Variants in PITPNC1 observed in about 807,000 individuals in gnomAD.
PITPNC1 encodes the protein phosphatidylinositol transfer protein cytoplasmic 1.
Under a neutral mutation model 44.7 loss-of-function variants are expected in PITPNC1, and 18 were observed. The observed-to-expected ratio is 0.40, with a 90% confidence interval of 0.28 to 0.60. The LOEUF is 0.60. PITPNC1 is among the 20% of genes least tolerant of loss of function. The pLI, the probability that PITPNC1 is intolerant of heterozygous loss-of-function variation, is 0.39. For missense variants in PITPNC1, 290 were observed against 418.4 expected (o/e 0.69, Z 2.68); for synonymous variants, 141 against 149.6 (o/e 0.94, Z 0.42).
At chr17:67,487,874 C>T (rs950553160) in intron 1 of PITPNC1, among the ~76,000 whole-genome samples, 3 of 152,238 alleles carry the variant, frequency 2.0e-5, no homozygotes, top group South Asian at 4.1e-4. Context: ...GAGATGTCTT[C>T]GCATCTTATA....
At chr17:67,647,371 G>C (rs1369911566) in intron 6 of PITPNC1, among the ~76,000 whole-genome samples, 2 of 150,594 alleles carry the variant, frequency 1.3e-5, no homozygotes, top group South Asian at 4.2e-4. Context: ...ACCCACTGCT[G>C]TCTTGACCTC....
At chr17:67,519,626 A>G (rs967153903) in intron 1 of PITPNC1, among the ~76,000 whole-genome samples, 18 of 152,114 alleles carry the variant, frequency 1.2e-4, no homozygotes, top group African/African-American at 3.9e-4. Context: ...CCAAGGAGGA[A>G]ACACTCTTAG....
At chr17:67,494,016 T>C (rs531239382) in intron 1 of PITPNC1, among the ~76,000 whole-genome samples, 1 of 152,306 alleles carries the variant, frequency 6.6e-6, no homozygotes, top group East Asian at 1.9e-4. Flanking sequence ...GGATAGAGCA[T>C]GAATAAAACA....
rs559578146 is a variant in PITPNC1, at chr17:67,561,438, A to G, written c.294+7821A>G. ...ACCATTGCACTCCAGCCTGGGTGAC[A>G]ATGTAAGACTCTGTCTCAAAAAAAA... On this transcript the variant is annotated intron_variant, in intron 4 of 8. Transcript: ENST00000581322. Among the ~76,000 whole-genome samples the G allele has an allele frequency of 5.3e-5, 8 of 152,148 alleles. 1 individual carries two copies. In the South Asian group the frequency reaches 1.7e-3, roughly 32 times the overall value.
chr17:67,520,508 A>G (rs2144106243), intron 1 of PITPNC1, among the ~76,000 whole-genome samples: 1 of 152,316 alleles, frequency 6.6e-6, no homozygotes, highest in South Asian at 2.1e-4. Context: ...TGATGAATGC[A>G]TCAGTTTCCT....
At chr17:67,583,467 A>C (rs2041262676) in intron 5 of PITPNC1, among the ~76,000 whole-genome samples, 1 of 151,698 alleles carries the variant, frequency 6.6e-6, no homozygotes, top group Non-Finnish European at 1.5e-5. Context: ...GCATGCCTGT[A>C]ATCCCAGCTA....
chr17:67,456,149 G>C (rs1388879455), intron 1 of PITPNC1, among the ~76,000 whole-genome samples: 1 of 152,202 alleles, frequency 6.6e-6, no homozygotes, highest in Non-Finnish European at 1.5e-5. Context: ...TAAGTGGGCT[G>C]TAAAGAACCA....
intron 5 of PITPNC1, among the ~76,000 whole-genome samples, chr17:67,607,583 A>G (rs1444876299): frequency 6.6e-6 from 1 of 152,208 alleles, no homozygotes; most frequent in Non-Finnish European, 1.5e-5. Flanking sequence ...AGAAGAGTGC[A>G]GTGATTCTGG....
intron 5 of PITPNC1, among the ~76,000 whole-genome samples, chr17:67,589,184 T>C (rs1194521378): frequency 6.6e-6 from 1 of 152,226 alleles, no homozygotes; most frequent in Admixed American, 6.5e-5. Flanking sequence ...GCCACTGCTA[T>C]TTGTGGTACA....
chr17:67,561,372 C>T (rs1485866822), intron 4 of PITPNC1, among the ~76,000 whole-genome samples: 1 of 151,882 alleles, frequency 6.6e-6, no homozygotes, highest in African/African-American at 2.4e-5. Flanking sequence ...AGGAGAATCA[C>T]TTGAACCTGG....
At chr17:67,634,066 T>G (rs913982930) in intron 6 of PITPNC1, among the ~76,000 whole-genome samples, 1 of 152,176 alleles carries the variant, frequency 6.6e-6, no homozygotes, top group African/African-American at 2.4e-5. Flanking sequence ...CCAAAGAACC[T>G]CCACTAGAAA....
intron 1 of PITPNC1, among the ~76,000 whole-genome samples, chr17:67,466,290 C>T (rs1262121562): frequency 6.6e-6 from 1 of 152,076 alleles, no homozygotes; most frequent in Non-Finnish European, 1.5e-5. Context: ...CCTCCCAAAG[C>T]ACTGGAATTT....
At chr17:67,620,005 T>C (rs531537204) in intron 5 of PITPNC1, among the ~76,000 whole-genome samples, 2 of 152,252 alleles carry the variant, frequency 1.3e-5, no homozygotes, top group African/African-American at 4.8e-5. Flanking sequence ...CTTCTCAGTC[T>C]CTTAGCCTCC....
intron 8 of PITPNC1, among the ~76,000 whole-genome samples, chr17:67,681,592 G>C (rs1445021486): frequency 1.0e-5 from 1 of 95,238 alleles, no homozygotes; most frequent in Non-Finnish European, 1.9e-5. Context: ...CTAGGTGACA[G>C]AGCAAAACCC....
intron 1 of PITPNC1, among the ~76,000 whole-genome samples, chr17:67,506,781 A>G (rs1406048354): frequency 6.6e-6 from 1 of 152,212 alleles, no homozygotes; most frequent in African/African-American, 2.4e-5. Flanking sequence ...ATATTTAAAG[A>G]TATGGGAAAT....
intron 6 of PITPNC1, among the ~76,000 whole-genome samples, chr17:67,647,446 A>ATG (rs1380029352): frequency 1.5e-5 from 2 of 135,004 alleles, no homozygotes; most frequent in Non-Finnish European, 1.6e-5. Context: ...GCACACCATC[A>ATG]CACCCAGCTA....
intron 1 of PITPNC1, among the ~76,000 whole-genome samples, chr17:67,447,226 C>G (rs1373010870): frequency 6.6e-6 from 1 of 151,760 alleles, no homozygotes; most frequent in African/African-American, 2.4e-5. Flanking sequence ...ATCCGAACCC[C>G]TAGCTCGTTC....
At chr17:67,495,825 T>C (rs1388813291) in intron 1 of PITPNC1, among the ~76,000 whole-genome samples, 1 of 152,174 alleles carries the variant, frequency 6.6e-6, no homozygotes, top group Non-Finnish European at 1.5e-5. Context: ...GGTCATAACA[T>C]ATAAAGCACC....
At chr17:67,393,620 A>G (rs1412196690) in intron 1 of PITPNC1, among the ~76,000 whole-genome samples, 7 of 152,172 alleles carry the variant, frequency 4.6e-5, no homozygotes, top group African/African-American at 2.4e-5. Context: ...ATACTTGGCA[A>G]TTTTAATTTA....
Sources: allele counts gnomAD v4.1 joint callset (sites outside exome capture counted in the v4.1 genomes callset), GRCh38; gene constraint gnomAD v4.1.1; transcripts MANE v1.5; gene names NCBI Gene and HGNC (gene_info 2026-07-23, HGNC 2026-07-21).